The following MLLT10 variants were observed in gnomAD, a reference collection of about 807,000 sequenced individuals.
MLLT10 encodes the protein MLLT10 histone lysine methyltransferase DOT1L cofactor.
MLLT10 carries 30 observed loss-of-function variants against 129.1 expected under a neutral mutation model. The observed-to-expected ratio is 0.23, with a 90% CI of 0.17 to 0.32. The LOEUF is 0.32. MLLT10 is among the 10% of genes least tolerant of loss of function. The pLI is 1.00. For synonymous variants in MLLT10, 490 were observed against 446.4 expected, an observed-to-expected ratio of 1.10 and a Z score of -1.23; for missense variants, 1,119 against 1,268.3, an observed-to-expected ratio of 0.88 and a Z score of 1.79.
At chr10:21,725,912 G>A (rs1296539735) in intron 14 of MLLT10, among the ~76,000 whole-genome samples, 4 of 151,764 alleles carry the variant, frequency 2.6e-5, no homozygotes, top group East Asian at 2.0e-4. Context: ...CACCATGCAC[G>A]GCTAATTTTT....
rs554184812 is a variant in MLLT10 at position 21,623,559 on chromosome 10, T to TTATTATA, written c.699+6356_699+6362dup. ...AATATACACACAAAGACACACACAC[T>TTATTATA]TATTATATATGTCACAACTGTAAAA... On this transcript the variant is annotated intron_variant, in intron 8 of 22. Coordinates refer to ENST00000307729, the MANE Select transcript of MLLT10 (RefSeq NM_001195626.3). 7.9e-5 allele frequency among the ~76,000 whole-genome samples: 12 copies of TTATTATA among 152,262 alleles called. No homozygotes were observed. The South Asian group carries it at 2.5e-3, about 32-fold the overall frequency.
intron 8 of MLLT10, among the ~76,000 whole-genome samples, chr10:21,624,186 A>G (rs1414307983): frequency 3.9e-5 from 6 of 152,346 alleles, no homozygotes; most frequent in African/African-American, 1.4e-4. Flanking sequence ...TAAAACTACT[A>G]AGACATAGCA....
intron 2 of MLLT10, among the ~76,000 whole-genome samples, chr10:21,537,682 T>G (rs1431210701): frequency 6.6e-6 from 1 of 152,138 alleles, no homozygotes; most frequent in Non-Finnish European, 1.5e-5. Context: ...TTGGCCAGGC[T>G]GGTCTGGAAC....
chr10:21,741,541 A>C (rs1039094610), intron 22 of MLLT10, among the ~76,000 whole-genome samples: 1 of 152,178 alleles, frequency 6.6e-6, no homozygotes, highest in Non-Finnish European at 1.5e-5. Context: ...TTTATAGATT[A>C]GTAAAAGGAA....
chr10:21,612,650 G>T (rs2044769194), intron 6 of MLLT10, among the ~76,000 whole-genome samples, 199 bp downstream of exon 6: 1 of 152,138 alleles, frequency 6.6e-6, no homozygotes, highest in African/African-American at 2.4e-5. Flanking sequence ...GCAATAAGTG[G>T]ACTCTGGTTC....
At chr10:21,681,400 A>G in intron 12 of MLLT10, 24 bp downstream of exon 12, 1 of 1,566,096 alleles carries the variant, frequency 6.4e-7, no homozygotes, top group Non-Finnish European at 8.8e-7. Context: ...CTGGGTTGAT[A>G]ACCCGGGCCT....
intron 3 of MLLT10, among the ~76,000 whole-genome samples, chr10:21,580,348 T>G (rs761623593): frequency 6.6e-6 from 1 of 151,930 alleles, no homozygotes; most frequent in Admixed American, 6.6e-5. Context: ...TCACTCATAA[T>G]CTTACCATCC....
intron 3 of MLLT10, 155 bp downstream of exon 3, chr10:21,539,067 C>A: frequency 1.9e-6 from 1 of 513,722 alleles, no homozygotes; most frequent in South Asian, 3.7e-5. Flanking sequence ...GAGTATTAAA[C>A]AGATTTTGTA....
At chr10:21,564,332 G>C (rs1376998426) in intron 3 of MLLT10, 1 of 152,090 alleles carries the variant, frequency 6.6e-6, no homozygotes, top group African/African-American at 2.4e-5. Context: ...CTAAAGCCAT[G>C]CTCCCGACTG....
At chr10:21,571,043 A>G (rs1210568137) in intron 3 of MLLT10, among the ~76,000 whole-genome samples, 1 of 152,170 alleles carries the variant, frequency 6.6e-6, no homozygotes, top group Non-Finnish European at 1.5e-5. Flanking sequence ...TGACTGGACC[A>G]GGGCTGTGTT....
At chr10:21,666,019 A>G (rs942681987) in intron 9 of MLLT10, among the ~76,000 whole-genome samples, 5 of 152,132 alleles carry the variant, frequency 3.3e-5, no homozygotes, top group African/African-American at 1.2e-4. Context: ...TTGCATTTTA[A>G]TCTAACATTT....
At chr10:21,717,906 C>CCTTCTCCTCCTCCTTCTCCTCCTCCTT (rs1564712543) in intron 14 of MLLT10, among the ~76,000 whole-genome samples, 8 of 143,782 alleles carry the variant, frequency 5.6e-5, no homozygotes, top group African/African-American at 2.2e-4. Flanking sequence ...TCCTCCTCCT[C>CCTTCTCCTCCTCCTTCTCCTCCTCCTT]CTCCTTCTCC....
At chr10:21,576,292 G>A (rs1004432400) in intron 3 of MLLT10, among the ~76,000 whole-genome samples, 2 of 149,938 alleles carry the variant, frequency 1.3e-5, no homozygotes, top group Non-Finnish European at 3.0e-5. Flanking sequence ...GCCCAGGCTG[G>A]AGTGCAGTGG....
At chr10:21,630,697 A>C (rs2131264385) in intron 8 of MLLT10, among the ~76,000 whole-genome samples, 1 of 152,340 alleles carries the variant, frequency 6.6e-6, no homozygotes, top group African/African-American at 2.4e-5. Flanking sequence ...CGAGTATTAA[A>C]GTCCTCTGTG....
chr10:21,593,424 A>C (rs887925833), intron 4 of MLLT10, among the ~76,000 whole-genome samples: 1 of 152,084 alleles, frequency 6.6e-6, no homozygotes, highest in Non-Finnish European at 1.5e-5. Flanking sequence ...TGGAATTTTA[A>C]TTTATTATTA....
At chr10:21,688,593 T>C (rs1184706859) in intron 13 of MLLT10, 5 of 1,514,736 alleles carry the variant, frequency 3.3e-6, no homozygotes, top group Admixed American at 3.6e-5. Flanking sequence ...ATTAATCCTA[T>C]TGTAGCTTGG....
intron 5 of MLLT10, among the ~76,000 whole-genome samples, chr10:21,606,822 C>G (rs2044113955): frequency 6.6e-6 from 1 of 152,142 alleles, no homozygotes; most frequent in Non-Finnish European, 1.5e-5. Flanking sequence ...ATGCCCTATG[C>G]TTAGTTGATA....
rs1399305442 is a variant in MLLT10 at position 21,670,548 on chromosome 10, G to A, written c.895G>A (p.Ala299Thr). ...FTNANFQEVSAHTSSGKDVSE... is the reference protein window; with the variant it reads ...FTNANFQEVSTHTSSGKDVSE... Reference sequence around the variant, plus strand: ...AAATGCAAATTTCCAGGAAGTCTCTGCACACACCTCTAGTGGAAAAGATGT... The same window carrying A: ...AAATGCAAATTTCCAGGAAGTCTCTACACACACCTCTAGTGGAAAAGATGT... Residue 299 changes from alanine to threonine, a missense_variant, in exon 10 of 23, where the codon GCA becomes ACA. By Grantham distance (58) the Ala-to-Thr change is moderately conservative (BLOSUM62 0). Transcript: ENST00000307729. The A allele has an allele frequency of 1.3e-5, 21 of 1,614,140 alleles. No individual in the cohort carries two copies. Among genetic ancestry groups the A allele is most frequent in the Non-Finnish European group, 1.7e-5 (20 of 1,180,030 alleles).
chr10:21,661,489 A>T (rs2050198027), intron 9 of MLLT10: 1 of 152,128 alleles, frequency 6.6e-6, no homozygotes, highest in East Asian at 1.9e-4. Flanking sequence ...TGAAGTATTA[A>T]CACCTTTATC....
Sources: gnomAD v4.1 joint callset for allele counts (sites outside exome capture counted in the v4.1 genomes callset) on GRCh38, gnomAD v4.1.1 for gene constraint, MANE v1.5 for transcripts, NCBI Gene and HGNC (gene_info 2026-07-23, HGNC 2026-07-21) for gene names.